Variants in SLC44A3 observed in about 807,000 individuals in gnomAD.
SLC44A3 encodes solute carrier family 44 member 3.
A neutral mutation model predicts 75.4 loss-of-function variants in SLC44A3; 74 were observed. That is an observed-to-expected ratio of 0.98 (90% confidence interval 0.81 to 1.19). The LOEUF is 1.19. SLC44A3 is among the 50% of genes most tolerant of loss of function. The pLI is 0.00. For missense variants in SLC44A3, 700 were observed against 778.6 expected, an observed-to-expected ratio of 0.90 and a Z score of 1.20; for synonymous variants, 310 against 296.9, an observed-to-expected ratio of 1.04 and a Z score of -0.45.
intron 12 of SLC44A3, among the ~76,000 whole-genome samples, chr1:94,880,106 A>G (rs1290463702): frequency 6.6e-6 from 1 of 152,204 alleles, no homozygotes; most frequent in Non-Finnish European, 1.5e-5. Context: ...GGAAAACAGT[A>G]TGGAGTTTCC....
chr1:94,823,635 T>G (rs569454852), intron 2 of SLC44A3, among the ~76,000 whole-genome samples: 1 of 152,338 alleles, frequency 6.6e-6, no homozygotes, highest in African/African-American at 2.4e-5. Context: ...TAGAAGGTAT[T>G]TGAATTTAGG....
intron 10 of SLC44A3, among the ~76,000 whole-genome samples, chr1:94,864,136 A>G (rs903332887): frequency 1.3e-5 from 2 of 152,032 alleles, no homozygotes; most frequent in Non-Finnish European, 2.9e-5. Flanking sequence ...ACTTGTACAC[A>G]TTCTTGGGAG....
chr1:94,839,812 A>G, intron 6 of SLC44A3, 136 bp from the exon 7 acceptor site: 1 of 695,016 alleles, frequency 1.4e-6, no homozygotes. Flanking sequence ...TGTTTAGTAG[A>G]TATCCCAAGA....
chr1:94,827,672 T>C (rs778027746), intron 4 of SLC44A3, 29 bp downstream of exon 4: 2 of 1,611,694 alleles, frequency 1.2e-6, no homozygotes, highest in Admixed American at 3.3e-5. Context: ...TTTGTTCTTT[T>C]CCCCATGATG....
chr1:94,840,397 C>T (rs1264417237), intron 7 of SLC44A3, among the ~76,000 whole-genome samples: 1 of 149,862 alleles, frequency 6.7e-6, no homozygotes, highest in Non-Finnish European at 1.5e-5. Context: ...TCAAGCGATC[C>T]CCCTGTCTCA....
intron 9 of SLC44A3, among the ~76,000 whole-genome samples, chr1:94,854,136 G>A (rs1665560704): frequency 6.6e-6 from 1 of 152,126 alleles, no homozygotes; most frequent in African/African-American, 2.4e-5. Context: ...GATCACCAAG[G>A]GTGTGAGAAG....
chr1:94,832,223 C>T (rs559313911), intron 5 of SLC44A3, among the ~76,000 whole-genome samples: 1 of 152,004 alleles, frequency 6.6e-6, no homozygotes, highest in Non-Finnish European at 1.5e-5. Flanking sequence ...TCTCGAAAGG[C>T]GTAGCAGTTA....
chr1:94,822,781 G>T (rs1315305787), intron 2 of SLC44A3, among the ~76,000 whole-genome samples: 1 of 152,098 alleles, frequency 6.6e-6, no homozygotes, highest in Non-Finnish European at 1.5e-5. Context: ...TCCTGATTTT[G>T]CAGGCACGGT....
At position 94,841,985 on chromosome 1, in the gene SLC44A3, T is replaced by A; in HGVS notation, c.761-15T>A. The A allele has an allele frequency of 6.2e-7, 1 of 1,604,462 alleles. No individual in the cohort carries two copies. Among genetic ancestry groups the A allele is most frequent in the Non-Finnish European group, 8.5e-7 (1 of 1,176,438 alleles). ...TGGCGTGTGCCCTGAGCTCTGCTACTGTTCTCTTTTCTAGTTGTCTGCGGT... is the reference window on the plus strand; with the variant it reads ...TGGCGTGTGCCCTGAGCTCTGCTACAGTTCTCTTTTCTAGTTGTCTGCGGT... On this transcript the variant is annotated splice_polypyrimidine_tract_variant and intron_variant, in intron 7 of 14. Transcript: ENST00000271227.
Position 94,867,422 on chromosome 1 carries a change from G to T in SLC44A3, c.1482+5G>T. 2 of 1,599,990 alleles carry T rather than the reference G, an allele frequency of 1.3e-6. No homozygotes were observed. Among genetic ancestry groups the T allele is most frequent in the Admixed American group, 3.4e-5 (2 of 58,956 alleles). ...TACCTGCTCCATCTCAACCAGGTAC[G>T]TCTCTACCTCTTGCCTCAGGAACAC... On this transcript the variant is annotated splice_donor_5th_base_variant and intron_variant, in intron 12 of 14. Transcript: ENST00000271227.
At chr1:94,826,930 C>A (rs1421342036) in intron 3 of SLC44A3, among the ~76,000 whole-genome samples, 1 of 152,138 alleles carries the variant, frequency 6.6e-6, no homozygotes, top group Non-Finnish European at 1.5e-5. Flanking sequence ...AGCGCATAAC[C>A]TGCTGATGGC....
intron 12 of SLC44A3, among the ~76,000 whole-genome samples, chr1:94,873,800 T>C (rs1426175381): frequency 3.3e-5 from 5 of 152,168 alleles, no homozygotes; most frequent in Non-Finnish European, 7.4e-5. Context: ...AGCATGTGCA[T>C]CTCAGAAAAA....
intron 9 of SLC44A3, among the ~76,000 whole-genome samples, chr1:94,855,018 A>G (rs1266108516): frequency 6.6e-6 from 1 of 152,132 alleles, no homozygotes; most frequent in Non-Finnish European, 1.5e-5. Context: ...AATAGTGATC[A>G]CTCAAAAATA....
chr1:94,837,726 A>G lies in SLC44A3; in HGVS notation c.525A>G (p.Leu175=), dbSNP rs376321020. The change falls in exon 6 of 15, where the codon TTA becomes TTG. Residue 175 remains leucine (L), a synonymous_variant. Transcript: ENST00000271227. ...LPVPPSKSFP[L]FNRCVPQTPE... is the part of the protein sequence containing the mutation. ...CTATTTTTAGCAAGTCATTTCCCTT[A>G]TTTAACCGATGTGTCCCTCAAACAC... 3.7e-4 allele frequency: 581 copies of G among 1,579,200 alleles called. 7 individuals are homozygous for G. The South Asian group carries it at 5.9e-3, about 16-fold the overall frequency.
At chr1:94,874,683 CACTT>C (rs1319107930) in intron 12 of SLC44A3, among the ~76,000 whole-genome samples, 1 of 152,218 alleles carries the variant, frequency 6.6e-6, no homozygotes, top group Non-Finnish European at 1.5e-5. Flanking sequence ...CACTCACTGG[CACTT>C]ACTATGTACC....
chr1:94,825,264 C>T (rs969439666), intron 3 of SLC44A3, among the ~76,000 whole-genome samples: 3 of 152,196 alleles, frequency 2.0e-5, no homozygotes, highest in Admixed American at 1.3e-4. Context: ...ATGGAGACTG[C>T]CTTGTAAGAA....
intron 12 of SLC44A3, among the ~76,000 whole-genome samples, chr1:94,879,952 A>AT (rs1481677442): frequency 6.6e-6 from 1 of 152,250 alleles, no homozygotes; most frequent in East Asian, 1.9e-4. Flanking sequence ...CATTAGGAAA[A>AT]GGTAAATCAA....
chr1:94,820,391 G>T lies in SLC44A3; in HGVS notation c.-61G>T, dbSNP rs891570032. 7.1e-7 allele frequency: 1 copy of T among 1,415,252 alleles called. No homozygotes were observed. Among genetic ancestry groups the T allele is most frequent in the East Asian group, 3.1e-5 (1 of 32,202 alleles). 87.7% of individuals were successfully genotyped at this position (1,415,252 alleles called of 1,614,324 possible). A position where few individuals can be genotyped will look rare whatever the true frequency, so the allele number is the denominator to read the frequency against. On this transcript the variant is annotated 5_prime_UTR_variant, in exon 1 of 15. Coordinates refer to ENST00000271227, the MANE Select transcript of SLC44A3 (RefSeq NM_001114106.3). ...CCCGGCCCCGGCTCGCGGGCGCTGC[G>T]TCTCCGCGTACAGGAGGCGGCGGCG...
At chr1:94,865,340 T>A (rs1455589839) in intron 11 of SLC44A3, among the ~76,000 whole-genome samples, 1 of 152,196 alleles carries the variant, frequency 6.6e-6, no homozygotes, top group Non-Finnish European at 1.5e-5. Context: ...CTGCCTTTTG[T>A]GTTTCCTAGA....
Sources: gnomAD v4.1 joint callset for allele counts (sites outside exome capture counted in the v4.1 genomes callset) on GRCh38, gnomAD v4.1.1 for gene constraint, MANE v1.5 for transcripts, NCBI Gene and HGNC (gene_info 2026-07-23, HGNC 2026-07-21) for gene names.